Variants in NEK10 observed in about 807,000 individuals in gnomAD.
The protein encoded by NEK10 is serine/threonine-protein kinase Nek10.
A neutral mutation model predicts 159.8 loss-of-function variants in NEK10; 122 were observed. The ratio of observed to expected loss-of-function variants is 0.76; its 90% CI spans 0.66 to 0.89. The LOEUF (loss-of-function observed/expected upper bound fraction) is 0.89, where lower values mean the gene tolerates loss of function less well. Ranked by LOEUF, NEK10 falls within the 40% of genes least tolerant of loss-of-function variation. NEK10 has a pLI of 0.00. For missense variants in NEK10, 1,342 were observed against 1,323.1 expected (o/e 1.01, Z -0.22); for synonymous variants, 466 against 457.1 (o/e 1.02, Z -0.25).
At chr3:27,356,742 C>T (rs2048349713) in intron 1 of NEK10, among the ~76,000 whole-genome samples, 1 of 152,162 alleles carries the variant, frequency 6.6e-6, no homozygotes, top group Non-Finnish European at 1.5e-5. Flanking sequence ...GTATCTGTGA[C>T]ATATTCACCC....
At chr3:27,178,614 T>G (rs1306641418) in intron 26 of NEK10, among the ~76,000 whole-genome samples, 1 of 152,216 alleles carries the variant, frequency 6.6e-6, no homozygotes, top group Non-Finnish European at 1.5e-5. Context: ...TTTTCATGGA[T>G]GATTGCACAA....
Position 27,291,489 on chromosome 3 carries a change from A to G in NEK10, c.1471T>C (p.Leu491=), listed in dbSNP as rs1233234994. The change falls in exon 17 of 36, where the codon TTA becomes CTA. Residue 491 remains leucine (L), a synonymous_variant. Transcript: ENST00000691995. ...YEELVSKLNL[L]VEDELKQIAE... Reference sequence around the variant, plus strand: ...ATTGAAAACTCAGGACTTACCACTAATAAATTCAGCTTGGATACCAATTCT... The same window carrying G: ...ATTGAAAACTCAGGACTTACCACTAGTAAATTCAGCTTGGATACCAATTCT... 2 of 1,607,226 alleles carry G rather than the reference A, an allele frequency of 1.2e-6. No homozygotes were observed. Among genetic ancestry groups the G allele is most frequent in the Admixed American group, 3.3e-5 (2 of 60,008 alleles).
chr3:27,335,714 T>G (rs2149733918), intron 5 of NEK10, among the ~76,000 whole-genome samples: 1 of 152,314 alleles, frequency 6.6e-6, no homozygotes, highest in South Asian at 2.1e-4. Flanking sequence ...AGAGGAACTT[T>G]GGAAACTACA....
intron 35 of NEK10, among the ~76,000 whole-genome samples, chr3:27,112,550 C>T (rs1234239278): frequency 6.6e-6 from 1 of 152,166 alleles, no homozygotes; most frequent in East Asian, 1.9e-4. Flanking sequence ...GGAGTGAAAA[C>T]GGTGTTCCTC....
intron 23 of NEK10, among the ~76,000 whole-genome samples, chr3:27,229,780 CCAAAGAAAAGGCTTT>C (rs1248991930): frequency 6.6e-6 from 1 of 151,506 alleles, no homozygotes; most frequent in Non-Finnish European, 1.5e-5. Context: ...ATTTCAGAGC[CCAAAGAAAAGGCTTT>C]CAAATTAACC....
intron 26 of NEK10, among the ~76,000 whole-genome samples, chr3:27,184,018 T>C (rs1948382996): frequency 6.6e-6 from 1 of 152,174 alleles, no homozygotes; most frequent in African/African-American, 2.4e-5. Context: ...TGAAGAACTA[T>C]TTGGTGCTTT....
At chr3:27,184,692 C>T (rs985508198) in intron 26 of NEK10, among the ~76,000 whole-genome samples, 2 of 152,306 alleles carry the variant, frequency 1.3e-5, no homozygotes, top group South Asian at 4.1e-4. Flanking sequence ...CATGGTTTTT[C>T]CTGATATTTC....
At chr3:27,255,660 A>G (rs1956097982) in intron 23 of NEK10, among the ~76,000 whole-genome samples, 1 of 152,216 alleles carries the variant, frequency 6.6e-6, no homozygotes, top group Non-Finnish European at 1.5e-5. Context: ...TTCTTACTTC[A>G]TAATAATTAA....
At chr3:27,325,862 T>G (rs1423196197) in intron 5 of NEK10, among the ~76,000 whole-genome samples, 2 of 152,224 alleles carry the variant, frequency 1.3e-5, no homozygotes, top group African/African-American at 4.8e-5. Context: ...CCAAGACTCT[T>G]GGCAGCTATG....
intron 10 of NEK10, among the ~76,000 whole-genome samples, chr3:27,308,221 C>A (rs1165746010): frequency 6.6e-6 from 1 of 152,100 alleles, no homozygotes; most frequent in Admixed American, 6.6e-5. Flanking sequence ...ACCATCAGAT[C>A]TCATGAGAAC....
At chr3:27,137,445 T>C (rs1240556166) in intron 31 of NEK10, among the ~76,000 whole-genome samples, 4 of 152,234 alleles carry the variant, frequency 2.6e-5, no homozygotes, top group African/African-American at 9.6e-5. Flanking sequence ...CTCAATTGAA[T>C]AGTTAATAGT....
intron 31 of NEK10, among the ~76,000 whole-genome samples, chr3:27,138,131 T>G (rs1313733193): frequency 6.6e-6 from 1 of 152,190 alleles, no homozygotes; most frequent in African/African-American, 2.4e-5. Context: ...AAACAGCACA[T>G]GTGGGACCCC....
At chr3:27,345,989 GC>G (rs2047524358) in intron 4 of NEK10, 96 bp downstream of exon 4, 2 of 1,143,500 alleles carry the variant, frequency 1.7e-6, no homozygotes, top group East Asian at 4.8e-5. Flanking sequence ...AAATTTTGAA[GC>G]GGGTTTTAAA....
At chr3:27,295,990 G>C (rs769283792) in intron 14 of NEK10, among the ~76,000 whole-genome samples, 2 of 152,104 alleles carry the variant, frequency 1.3e-5, no homozygotes. Flanking sequence ...AAAAGGGACA[G>C]AGTAAAGGTG....
At chr3:27,357,609 T>C (rs1468664996) in intron 1 of NEK10, among the ~76,000 whole-genome samples, 2 of 152,242 alleles carry the variant, frequency 1.3e-5, no homozygotes, top group Non-Finnish European at 2.9e-5. Flanking sequence ...TAAGATGTCA[T>C]GGCAATGCTG....
At chr3:27,340,043 A>G (rs954263191) in intron 5 of NEK10, among the ~76,000 whole-genome samples, 2 of 152,182 alleles carry the variant, frequency 1.3e-5, no homozygotes, top group African/African-American at 4.8e-5. Context: ...TGCTACTATA[A>G]AGACACATGC....
At chr3:27,279,776 G>C (rs1015739546) in intron 22 of NEK10, among the ~76,000 whole-genome samples, 1 of 152,146 alleles carries the variant, frequency 6.6e-6, no homozygotes, top group Non-Finnish European at 1.5e-5. Context: ...TAGCTTCTGT[G>C]TCTGAAGGCT....
At chr3:27,203,790 G>T (rs370463123) in intron 23 of NEK10, among the ~76,000 whole-genome samples, 23 of 152,138 alleles carry the variant, frequency 1.5e-4, no homozygotes, top group African/African-American at 5.6e-4. Context: ...TTCTTGAGAG[G>T]AAGAAGAATT....
At chr3:27,147,881 ATC>A (rs1004986836) in intron 30 of NEK10, among the ~76,000 whole-genome samples, 2 of 152,124 alleles carry the variant, frequency 1.3e-5, no homozygotes, top group African/African-American at 4.8e-5. Context: ...AACTACATAA[ATC>A]TCTGTTCTTC....
Sources: gnomAD v4.1 joint callset for allele counts (sites outside exome capture counted in the v4.1 genomes callset) on GRCh38, gnomAD v4.1.1 for gene constraint, MANE v1.5 for transcripts, NCBI Gene and HGNC (gene_info 2026-07-23, HGNC 2026-07-21) for gene names.